Variants in CCR5AS observed in about 807,000 individuals in gnomAD.
CCR5AS encodes the protein CCR5 antisense RNA.
chr3:46,379,619 G>C (rs893431239), intron 2 of CCR5AS, among the ~76,000 whole-genome samples: 1 of 152,120 alleles, frequency 6.6e-6, no homozygotes, highest in African/African-American at 2.4e-5. Flanking sequence ...GCTTCGCCAG[G>C]CGTGGTGGCT....
At chr3:46,373,697 C>T (rs1033949086) in intron 2 of CCR5AS, 4 of 1,614,150 alleles carry the variant, frequency 2.5e-6, no homozygotes, top group Non-Finnish European at 3.4e-6. Flanking sequence ...AATTCTTTGG[C>T]CTGAATAATT....
chr3:46,395,649 G>A (rs1397142967), intron 1 of CCR5AS, among the ~76,000 whole-genome samples: 2 of 152,124 alleles, frequency 1.3e-5, no homozygotes, highest in East Asian at 3.9e-4. Context: ...CCCACTCATG[G>A]CAAAGGAATA....
chr3:46,395,110 T>C (rs1290320553), intron 1 of CCR5AS, among the ~76,000 whole-genome samples: 1 of 152,122 alleles, frequency 6.6e-6, no homozygotes, highest in Non-Finnish European at 1.5e-5. Flanking sequence ...AGTTAATGGC[T>C]CTGAGGGCTC....
chr3:46,370,854 A>G (rs1051872296), intron 3 of CCR5AS: 13 of 152,188 alleles, frequency 8.5e-5, no homozygotes, highest in Middle Eastern at 3.2e-3. Flanking sequence ...CCTTCAATAC[A>G]CTTAATGATT....
intron 1 of CCR5AS, among the ~76,000 whole-genome samples, chr3:46,397,551 G>A (rs1250684125): frequency 1.3e-5 from 2 of 152,206 alleles, no homozygotes; most frequent in East Asian, 3.9e-4. Context: ...GGCAAGGGGA[G>A]GGAGCTGCCT....
At chr3:46,389,422 G>C (rs1157401706) in intron 2 of CCR5AS, among the ~76,000 whole-genome samples, 1 of 152,196 alleles carries the variant, frequency 6.6e-6, no homozygotes, top group East Asian at 1.9e-4. Flanking sequence ...GACTTGACAA[G>C]GACTGATTGC....
chr3:46,387,284 T>G (rs1275280190), intron 2 of CCR5AS, among the ~76,000 whole-genome samples: 3 of 152,116 alleles, frequency 2.0e-5, no homozygotes, highest in Non-Finnish European at 4.4e-5. Context: ...AAGGAAGATG[T>G]CCCATCACAG....
At chr3:46,387,144 C>T (rs1422514193) in intron 2 of CCR5AS, among the ~76,000 whole-genome samples, 1 of 152,046 alleles carries the variant, frequency 6.6e-6, no homozygotes, top group Non-Finnish European at 1.5e-5. Context: ...ATGAAAGATA[C>T]CCCCTTCCTA....
At chr3:46,375,807 T>C (rs1384180775) in intron 2 of CCR5AS, 1 of 166,400 alleles carries the variant, frequency 6.0e-6, no homozygotes, top group Non-Finnish European at 1.5e-5. Flanking sequence ...GAGAGAGAGG[T>C]TTTTTTCTGT....
intron 2 of CCR5AS, among the ~76,000 whole-genome samples, chr3:46,388,067 ATG>A (rs1473183216): frequency 6.6e-6 from 1 of 152,118 alleles, no homozygotes; most frequent in Non-Finnish European, 1.5e-5. Flanking sequence ...GGCCATCTGG[ATG>A]TATAAGCGCA....
At chr3:46,385,222 A>C (rs1470656525) in intron 2 of CCR5AS, among the ~76,000 whole-genome samples, 1 of 152,192 alleles carries the variant, frequency 6.6e-6, no homozygotes, top group African/African-American at 2.4e-5. Context: ...TCAAGCTGTC[A>C]AGTGTAGTTT....
chr3:46,405,855 C>G (rs1702040131), intron 1 of CCR5AS, among the ~76,000 whole-genome samples: 1 of 151,890 alleles, frequency 6.6e-6, no homozygotes, highest in African/African-American at 2.4e-5. Flanking sequence ...CCCTTCCTCT[C>G]CCCGCCCCTC....
chr3:46,385,871 G>A (rs1701856690), intron 2 of CCR5AS, among the ~76,000 whole-genome samples: 1 of 152,056 alleles, frequency 6.6e-6, no homozygotes, highest in South Asian at 2.1e-4. Context: ...CTCCTGAGCA[G>A]CAGGGACTAC....
chr3:46,368,748 T>C (rs962470291), intron 3 of CCR5AS, among the ~76,000 whole-genome samples: 3 of 152,212 alleles, frequency 2.0e-5, no homozygotes, highest in African/African-American at 7.2e-5. Context: ...ACACAGCAAG[T>C]CAGCAGCACA....
intron 1 of CCR5AS, among the ~76,000 whole-genome samples, chr3:46,395,293 C>G (rs561799643): frequency 6.6e-6 from 1 of 152,248 alleles, no homozygotes; most frequent in Admixed American, 6.5e-5. Context: ...TCAGGGGAAG[C>G]TGGATGTGCT....
intron 1 of CCR5AS, among the ~76,000 whole-genome samples, chr3:46,401,022 G>GTCAGAAT (rs1227134651): frequency 6.6e-6 from 1 of 152,172 alleles, no homozygotes; most frequent in Non-Finnish European, 1.5e-5. Context: ...CAGGGAAATT[G>GTCAGAAT]TCAGAATTCA....
At chr3:46,374,081 G>A in intron 2 of CCR5AS, 1 of 628,990 alleles carries the variant, frequency 1.6e-6, no homozygotes. Flanking sequence ...TACTGTTATA[G>A]AGGGTCTAAG....
intron 2 of CCR5AS, among the ~76,000 whole-genome samples, chr3:46,384,855 T>TGATA (rs72247341): frequency 1.5e-4 from 21 of 144,152 alleles, no homozygotes; most frequent in South Asian, 6.9e-4. Flanking sequence ...GGTACATAGA[T>TGATA]GATAGATAGA....
chr3:46,373,257 A>G (rs1701693028), intron 2 of CCR5AS: 3 of 1,614,056 alleles, frequency 1.9e-6, no homozygotes, highest in East Asian at 2.2e-5. Context: ...AATCTTCTTC[A>G]TCATCCTCCT....
Sources: gnomAD v4.1 joint callset for allele counts (sites outside exome capture counted in the v4.1 genomes callset) on GRCh38, gnomAD v4.1.1 for gene constraint, MANE v1.5 for transcripts, NCBI Gene and HGNC (gene_info 2026-07-23, HGNC 2026-07-21) for gene names.